The following URI1 variants were observed in gnomAD, a reference collection of about 807,000 sequenced individuals.
URI1 encodes the protein URI1 prefoldin like chaperone.
Under a neutral mutation model 60.2 loss-of-function variants are expected in URI1, and 39 were observed. The observed-to-expected ratio is 0.65, with a 90% CI of 0.50 to 0.85. The LOEUF (loss-of-function observed/expected upper bound fraction) is 0.85. Among genes scored for constraint, URI1 ranks in the 40% least tolerant of loss-of-function variants. The pLI is 0.00. For synonymous variants in URI1, 251 were observed against 236.8 expected (o/e 1.06, Z -0.55); for missense variants, 691 against 665.9 (o/e 1.04, Z -0.42).
intron 1 of URI1, among the ~76,000 whole-genome samples, chr19:29,949,997 T>C (rs2055159814): frequency 6.6e-6 from 1 of 152,254 alleles, no homozygotes; most frequent in Admixed American, 6.5e-5. Context: ...AGAATATGTT[T>C]GCTTGTATAG....
chr19:29,927,697 C>T (rs1754241137), intron 1 of URI1, among the ~76,000 whole-genome samples: 2 of 151,426 alleles, frequency 1.3e-5, no homozygotes, highest in Admixed American at 1.3e-4. Flanking sequence ...ATGCCTCAGC[C>T]TCCCCAGTAG....
intron 1 of URI1, among the ~76,000 whole-genome samples, chr19:29,945,985 C>A (rs1024724776): frequency 2.6e-5 from 4 of 152,092 alleles, no homozygotes; most frequent in Middle Eastern, 3.4e-3. Context: ...GTTTGAATGC[C>A]GGTTAGGCAG....
chr19:30,009,032 AGAAGATACGACATCTTCT>A lies in URI1; in HGVS notation c.720_737del (p.Asp240_Glu245del), dbSNP rs753571495. Reference sequence around the variant, plus strand: ...AGCCTGATACTGTGATTGCAAATGGAGAAGATACGACATCTTCTGAAGAGGAAAAGGAAGATCGTAACA... The same window carrying A: ...AGCCTGATACTGTGATTGCAAATGGAGAAGAGGAAAAGGAAGATCGTAACA... On this transcript the variant is annotated inframe_deletion, in exon 8 of 11. Coordinates refer to ENST00000392271, the MANE Select transcript of URI1 (RefSeq NM_003796.3). 6.2e-7 allele frequency: 1 copy of A among 1,611,814 alleles called. No individual in the cohort carries two copies. The highest frequency in any genetic ancestry group is 1.1e-5 in the South Asian group (1 of 90,848).
At chr19:29,948,003 C>T (rs1295919657) in intron 1 of URI1, among the ~76,000 whole-genome samples, 1 of 152,128 alleles carries the variant, frequency 6.6e-6, no homozygotes, top group Non-Finnish European at 1.5e-5. Context: ...GTATGGATAC[C>T]TAGTTGTCCC....
intron 1 of URI1, among the ~76,000 whole-genome samples, chr19:29,958,499 A>G (rs1236824727): frequency 1.3e-5 from 2 of 152,268 alleles, no homozygotes; most frequent in Non-Finnish European, 2.9e-5. Context: ...TTCTTTAAAA[A>G]TATTCAAATG....
At chr19:30,010,290 C>T (rs1320909633) in intron 8 of URI1, among the ~76,000 whole-genome samples, 1 of 152,114 alleles carries the variant, frequency 6.6e-6, no homozygotes, top group African/African-American at 2.4e-5. Context: ...TTTGATATTT[C>T]TTAGCTTCCT....
intron 4 of URI1, among the ~76,000 whole-genome samples, chr19:29,998,331 T>C (rs1488166530): frequency 6.6e-6 from 1 of 152,188 alleles, no homozygotes; most frequent in East Asian, 1.9e-4. Flanking sequence ...TTTCTATATA[T>C]GTCTATTAGG....
rs375936008 is a variant in URI1 at position 29,943,471 on chromosome 19, G to A, written c.117+807G>A. On this transcript the variant is annotated intron_variant, in intron 1 of 10. Transcript: ENST00000392271. ...TCAAGTGTCTTGAAATTGTTACTTTGAAAAGCAGTATTTAATTTGCTTAAA... is the reference window on the plus strand; with the variant it reads ...TCAAGTGTCTTGAAATTGTTACTTTAAAAAGCAGTATTTAATTTGCTTAAA... Among the ~76,000 whole-genome samples the A allele has an allele frequency of 2.0e-5, 3 of 152,110 alleles. No homozygotes were observed. The South Asian group carries it at 6.2e-4, about 31-fold the overall frequency.
In URI1 at chr19:29,933,940, C is replaced by CTTTTTTTTTTTTTTTTT. The variant is rs34942474; in HGVS notation, c.63+10199_63+10200insTTTTTTTTTTTTTTTTT. Among the ~76,000 whole-genome samples the CTTTTTTTTTTTTTTTTT allele has an allele frequency of 3.2e-4, 40 of 124,690 alleles. 1 individual carries two copies. The highest frequency in any genetic ancestry group is 9.7e-4 in the African/African-American group (29 of 29,936). The allele number at this position is 124,690 out of a possible 152,430, so 81.8% of individuals were successfully genotyped here. ...TCCTTCTTTCTTTTTCTTTTCTTCC[C>CTTTTTTTTTTTTTTTTT]TTTTTTTTTTTTTGAGATGAAGTCT... On this transcript the variant is annotated intron_variant, in intron 1 of 10. Coordinates refer to the URI1 transcript ENST00000360605.
chr19:29,933,940 C>CTTTTTTTTTTTTTTTTTTTTTTTTT (rs34942474), intron 1 of URI1, among the ~76,000 whole-genome samples: 4 of 124,708 alleles, frequency 3.2e-5, no homozygotes, highest in African/African-American at 1.0e-4. Context: ...CTTTTCTTCC[C>CTTTTTTTTTTTTTTTTTTTTTTTTT]TTTTTTTTTT....
At chr19:29,938,089 T>A (rs1191689091), upstream of URI1, 2 of 152,142 alleles carry the variant, frequency 1.3e-5, no homozygotes, top group Admixed American at 1.3e-4. Context: ...AATCCTGACC[T>A]CAGGAGATCC....
intron 1 of URI1, among the ~76,000 whole-genome samples, chr19:29,935,429 A>G (rs1039528026): frequency 2.6e-5 from 4 of 152,190 alleles, no homozygotes; most frequent in African/African-American, 9.7e-5. Flanking sequence ...AAAACAAAGT[A>G]TTATGAACAA....
Position 30,001,270 on chromosome 19 carries a change from T to G in URI1, c.368-4091T>G, listed in dbSNP as rs74673500. 3.5e-3 allele frequency among the ~76,000 whole-genome samples: 530 copies of G among 152,086 alleles called. 5 individuals carry two copies. The highest frequency in any genetic ancestry group is 0.012 in the African/African-American group (515 of 41,548). ...GTGTGCATAGGCAAGGTTTGTTGAC[T>G]GATAGGTATTTTTTGTAGGGATTTA... On this transcript the variant is annotated intron_variant, in intron 4 of 10. Coordinates refer to ENST00000392271, the MANE Select transcript of URI1 (RefSeq NM_003796.3).
intron 1 of URI1, among the ~76,000 whole-genome samples, chr19:29,944,674 T>C (rs2055081620): frequency 6.6e-6 from 1 of 152,218 alleles, no homozygotes; most frequent in South Asian, 2.1e-4. Context: ...TTTTTCTGTG[T>C]TGTGTTAATG....
chr19:29,975,566 T>C (rs1247043352), intron 2 of URI1, among the ~76,000 whole-genome samples: 1 of 146,980 alleles, frequency 6.8e-6, no homozygotes, highest in Non-Finnish European at 1.5e-5. Flanking sequence ...TGCAATGGCA[T>C]GGTTTCGGCT....
intron 1 of URI1, among the ~76,000 whole-genome samples, chr19:29,962,618 T>C (rs1421991402): frequency 1.3e-5 from 2 of 151,666 alleles, no homozygotes; most frequent in Non-Finnish European, 2.9e-5. Context: ...TTTTATCCTG[T>C]ACCTTTACTC....
chr19:29,950,425 A>G (rs899693239), intron 1 of URI1, among the ~76,000 whole-genome samples: 12 of 152,172 alleles, frequency 7.9e-5, no homozygotes, highest in Non-Finnish European at 1.5e-4. Flanking sequence ...GTCATATGCA[A>G]TTTTCCCCCC....
chr19:30,011,647 ATTGT>A (rs1207677082), intron 9 of URI1, among the ~76,000 whole-genome samples: 1 of 149,874 alleles, frequency 6.7e-6, no homozygotes, highest in Non-Finnish European at 1.5e-5. Flanking sequence ...TTTTTTTGGA[ATTGT>A]TTGTTGAGAA....
At chr19:29,926,233 CTCCTTCCTTCCT>C (rs35040318) in intron 1 of URI1, among the ~76,000 whole-genome samples, 3,235 of 131,666 alleles carry the variant, frequency 0.025, 114 homozygotes, top group African/African-American at 0.079. Flanking sequence ...TTCTTCCTCT[CTCCTTCCTTCCT>C]TCCTTCCTTC....
Sources: allele counts gnomAD v4.1 joint callset (sites outside exome capture counted in the v4.1 genomes callset), GRCh38; gene constraint gnomAD v4.1.1; transcripts MANE v1.5; gene names NCBI Gene and HGNC (gene_info 2026-07-23, HGNC 2026-07-21).